Variants in EXT1 observed in about 807,000 individuals in gnomAD.
The protein encoded by EXT1 is exostosin glycosyltransferase 1, also known as exostosin-1.
EXT1 carries 20 observed loss-of-function variants against 82.5 expected under a neutral mutation model. The observed-to-expected ratio is 0.24, with a 90% CI of 0.17 to 0.35. EXT1 has a LOEUF of 0.35. Among genes scored for constraint, EXT1 ranks in the 10% least tolerant of loss-of-function variants. The pLI, the probability that EXT1 is intolerant of heterozygous loss-of-function variation, is 1.00. For synonymous variants in EXT1, 348 were observed against 350.8 expected (o/e 0.99, Z 0.09); for missense variants, 757 against 936.5 (o/e 0.81, Z 2.50).
At chr8:118,019,078 G>A (rs1443557153) in intron 1 of EXT1, among the ~76,000 whole-genome samples, 1 of 143,338 alleles carries the variant, frequency 7.0e-6, no homozygotes, top group African/African-American at 2.7e-5. Context: ...TAGCTCTAGA[G>A]GCAGAGGAAA....
At chr8:118,019,874 G>A (rs1816070333) in intron 1 of EXT1, among the ~76,000 whole-genome samples, 1 of 152,134 alleles carries the variant, frequency 6.6e-6, no homozygotes, top group South Asian at 2.1e-4. Flanking sequence ...AATAAATGGT[G>A]CTTGGTGAAA....
At chr8:118,071,287 C>G (rs1042773520) in intron 1 of EXT1, among the ~76,000 whole-genome samples, 6 of 152,146 alleles carry the variant, frequency 3.9e-5, no homozygotes, top group Admixed American at 1.3e-4. Flanking sequence ...AGATTGCCAT[C>G]TAATGATAGT....
chr8:117,960,127 C>T (rs552946734), intron 1 of EXT1, among the ~76,000 whole-genome samples: 1 of 152,286 alleles, frequency 6.6e-6, no homozygotes, highest in Non-Finnish European at 1.5e-5. Context: ...AGGAGAATCG[C>T]TTGAACCTGG....
chr8:117,804,983 G>T, intron 9 of EXT1, 90 bp from the exon 10 acceptor site: 1 of 1,190,384 alleles, frequency 8.4e-7, no homozygotes, highest in Non-Finnish European at 1.2e-6. Context: ...CCCATTCTTT[G>T]AATCCCTAAA....
chr8:118,079,129 T>G (rs879737288), intron 1 of EXT1, among the ~76,000 whole-genome samples: 1 of 152,052 alleles, frequency 6.6e-6, no homozygotes. Context: ...ATCAGGAAAA[T>G]AGTCATCAAA....
intron 1 of EXT1, among the ~76,000 whole-genome samples, chr8:117,933,990 C>A (rs762953338): frequency 2.0e-5 from 3 of 152,112 alleles, no homozygotes; most frequent in Non-Finnish European, 2.9e-5. Flanking sequence ...TCACCACAAT[C>A]CCACCAGCAA....
chr8:117,848,017 T>G (rs139200105), intron 1 of EXT1, among the ~76,000 whole-genome samples: 68 of 152,272 alleles, frequency 4.5e-4, no homozygotes, highest in African/African-American at 1.5e-3. Flanking sequence ...GCCACCTCAC[T>G]CCTGAGCCTT....
At chr8:117,837,279 T>TAGGTGG in intron 1 of EXT1, 78 bp from the exon 2 acceptor site, 1 of 1,200,854 alleles carries the variant, frequency 8.3e-7, no homozygotes, top group Non-Finnish European at 1.2e-6. Context: ...TGGGCGCCCA[T>TAGGTGG]GTGCATGAAT....
intron 5 of EXT1, among the ~76,000 whole-genome samples, chr8:117,821,104 G>T (rs1563570885): frequency 6.6e-6 from 1 of 152,206 alleles, no homozygotes; most frequent in African/African-American, 2.4e-5. Flanking sequence ...TGGCTTAACT[G>T]CGAGCAACAC....
chr8:117,986,907 A>G (rs1032331520), intron 1 of EXT1, among the ~76,000 whole-genome samples: 1 of 152,238 alleles, frequency 6.6e-6, no homozygotes, highest in African/African-American at 2.4e-5. Context: ...TGCATTTTCA[A>G]TGTGATCACA....
At chr8:118,027,009 G>C (rs549676456) in intron 1 of EXT1, among the ~76,000 whole-genome samples, 1 of 152,290 alleles carries the variant, frequency 6.6e-6, no homozygotes, top group East Asian at 1.9e-4. Context: ...TGGAGCCTGA[G>C]GCAGGAGGAT....
At chr8:118,042,240 G>A (rs755166591) in intron 1 of EXT1, among the ~76,000 whole-genome samples, 2 of 152,182 alleles carry the variant, frequency 1.3e-5, no homozygotes, top group East Asian at 1.9e-4. Context: ...CAACAAAGGA[G>A]CTCAATCAGA....
rs111733862 is a variant in EXT1 at position 117,883,197 on chromosome 8, T to C, written c.963-45996A>G. ...CCAGAGGTATAAGTCTTGTCTGACATCACCAATAAATAAGAGGGTTCACTT... is the reference window on the plus strand; with the variant it reads ...CCAGAGGTATAAGTCTTGTCTGACACCACCAATAAATAAGAGGGTTCACTT... On this transcript the variant is annotated intron_variant, in intron 1 of 10. Transcript: ENST00000378204. 1.7e-4 allele frequency among the ~76,000 whole-genome samples: 26 copies of C among 152,324 alleles called. No homozygotes were observed. In the South Asian group the frequency reaches 2.1e-3, roughly 12 times the overall value.
intron 1 of EXT1, among the ~76,000 whole-genome samples, chr8:117,881,037 T>C (rs758779435): frequency 3.3e-5 from 5 of 152,190 alleles, no homozygotes; most frequent in Non-Finnish European, 7.3e-5. Flanking sequence ...ATATCTTCCT[T>C]ATACAATAAA....
chr8:117,944,070 T>C (rs1814338724), intron 1 of EXT1, among the ~76,000 whole-genome samples: 1 of 152,192 alleles, frequency 6.6e-6, no homozygotes, highest in African/African-American at 2.4e-5. Flanking sequence ...GTTTTATCTG[T>C]TGTCTCTCTC....
chr8:118,015,528 A>G (rs558039142), intron 1 of EXT1, among the ~76,000 whole-genome samples: 1 of 152,322 alleles, frequency 6.6e-6, no homozygotes, highest in South Asian at 2.1e-4. Context: ...GGCAGAGAAG[A>G]AAAACAAAAA....
chr8:118,090,062 T>C (rs1351299380), intron 1 of EXT1, among the ~76,000 whole-genome samples: 1 of 152,102 alleles, frequency 6.6e-6, no homozygotes, highest in Non-Finnish European at 1.5e-5. Context: ...ATTCCATCCT[T>C]TTCAGTGGTG....
chr8:117,862,472 G>A (rs1203541574), intron 1 of EXT1, among the ~76,000 whole-genome samples: 1 of 145,718 alleles, frequency 6.9e-6, no homozygotes, highest in African/African-American at 2.4e-5. Flanking sequence ...GGAGGAATCA[G>A]GGTTGACCAC....
At chr8:117,891,821 T>TA (rs1452159791) in intron 1 of EXT1, among the ~76,000 whole-genome samples, 6 of 150,036 alleles carry the variant, frequency 4.0e-5, no homozygotes, top group Non-Finnish European at 8.9e-5. Context: ...TTTTTTTTTT[T>TA]TTTGAGACGG....
Sources: gnomAD v4.1 joint callset for allele counts (sites outside exome capture counted in the v4.1 genomes callset) on GRCh38, gnomAD v4.1.1 for gene constraint, MANE v1.5 for transcripts, NCBI Gene and HGNC (gene_info 2026-07-23, HGNC 2026-07-21) for gene names.